Variants in LYZL4 observed in about 807,000 individuals in gnomAD.
LYZL4 encodes lysozyme-like protein 4.
LYZL4 carries 13 observed loss-of-function variants against 17.6 expected under a neutral mutation model. The ratio of observed to expected loss-of-function variants is 0.74; its 90% CI spans 0.48 to 1.18. The LOEUF (loss-of-function observed/expected upper bound fraction) is 1.18. Ranked by LOEUF, LYZL4 falls within the 50% of genes most tolerant of loss-of-function variation. LYZL4 has a pLI of 0.00. For missense variants in LYZL4, 174 were observed against 188.2 expected (o/e 0.92, Z 0.44); for synonymous variants, 64 against 67.7 (o/e 0.95, Z 0.27).
the LYZL4 span, among the ~76,000 whole-genome samples, chr3:42,375,458 C>T: frequency 6.6e-6 from 1 of 152,316 alleles, no homozygotes; most frequent in African/African-American, 2.4e-5. Context: ...GAGCGAGCCA[C>T]CAAATTATCT....
rs377406407 is a variant in LYZL4 at position 42,406,883 on chromosome 3, G to A, written c.255C>T (p.Gly85=). ...TATGGCAGCGGTTCCTGCCATGGTC[G>A]CCACACCAGTCACTGCCACGCATCT... ...LFQMRGSDWC[G]DHGRNRCHMS... The change falls in exon 3 of 5, where the codon GGC becomes GGT. Residue 85 remains glycine (G), a synonymous_variant. Coordinates refer to ENST00000287748, the MANE Select transcript of LYZL4 (RefSeq NM_144634.4). The A allele has an allele frequency of 2.7e-5, 43 of 1,614,206 alleles. No individual in the cohort carries two copies. Among genetic ancestry groups the A allele is most frequent in the Middle Eastern group, 1.6e-4 (1 of 6,062 alleles).
At chr3:42,379,631 T>G in the LYZL4 span, among the ~76,000 whole-genome samples, 1 of 152,154 alleles carries the variant, frequency 6.6e-6, no homozygotes, top group Admixed American at 6.5e-5. Context: ...GGGAGTTATG[T>G]CTCTCCTCTC....
chr3:42,384,573 A>G, the LYZL4 span, among the ~76,000 whole-genome samples: 2 of 152,200 alleles, frequency 1.3e-5, no homozygotes, highest in African/African-American at 2.4e-5. Context: ...AACTGCAGAA[A>G]CTTTTGGGGT....
the LYZL4 span, among the ~76,000 whole-genome samples, chr3:42,362,458 A>T: frequency 6.6e-6 from 1 of 152,212 alleles, no homozygotes; most frequent in Non-Finnish European, 1.5e-5. Flanking sequence ...TAAACAACAG[A>T]AATGTATTAT....
chr3:42,405,663 C>G (rs565089180), intron 3 of LYZL4, among the ~76,000 whole-genome samples: 8 of 152,208 alleles, frequency 5.3e-5, no homozygotes, highest in Admixed American at 3.3e-4. Context: ...TGCTGGGGTG[C>G]TTAGGCAGGA....
the LYZL4 span, among the ~76,000 whole-genome samples, chr3:42,363,871 G>A: frequency 1.3e-5 from 2 of 152,200 alleles, no homozygotes; most frequent in Non-Finnish European, 2.9e-5. Flanking sequence ...ATCATCTCTA[G>A]TGAAGGACTC....
the LYZL4 span, among the ~76,000 whole-genome samples, chr3:42,377,625 C>CTCTGTGTGTG: frequency 1.9e-4 from 28 of 143,788 alleles, no homozygotes; most frequent in Admixed American, 4.1e-4. Context: ...GCATGACTCT[C>CTCTGTGTGTG]TGTGTGTGTG....
At chr3:42,364,317 A>T in the LYZL4 span, among the ~76,000 whole-genome samples, 1 of 136,748 alleles carries the variant, frequency 7.3e-6, no homozygotes, top group Non-Finnish European at 1.6e-5. Flanking sequence ...TTTCAGTGTC[A>T]CCTTTTCTTT....
intron 4 of LYZL4, among the ~76,000 whole-genome samples, chr3:42,397,854 G>A (rs1003284488): frequency 9.9e-5 from 15 of 152,162 alleles, no homozygotes; most frequent in Admixed American, 2.0e-4. Context: ...CAGCTGCACT[G>A]AGTTTCTCTA....
the LYZL4 span, among the ~76,000 whole-genome samples, chr3:42,378,940 G>A: frequency 1.3e-5 from 2 of 152,284 alleles, no homozygotes; most frequent in Non-Finnish European, 2.9e-5. Flanking sequence ...CACCTAGCAA[G>A]TTGCAAAGCA....
At chr3:42,382,146 A>G in the LYZL4 span, among the ~76,000 whole-genome samples, 2 of 152,250 alleles carry the variant, frequency 1.3e-5, no homozygotes, top group Admixed American at 1.3e-4. Context: ...GTATATACAA[A>G]GTCTTTCACT....
At chr3:42,384,153 A>G in the LYZL4 span, among the ~76,000 whole-genome samples, 1 of 152,226 alleles carries the variant, frequency 6.6e-6, no homozygotes, top group Non-Finnish European at 1.5e-5. Context: ...AATCAAGAGC[A>G]ATGTAATCAA....
At chr3:42,382,707 G>T in the LYZL4 span, among the ~76,000 whole-genome samples, 4 of 151,784 alleles carry the variant, frequency 2.6e-5, no homozygotes, top group South Asian at 8.3e-4. Context: ...GAACCCCAAG[G>T]TCCCTACTCT....
At chr3:42,398,548 G>C (rs1386741804) in intron 4 of LYZL4, among the ~76,000 whole-genome samples, 1 of 152,038 alleles carries the variant, frequency 6.6e-6, no homozygotes, top group Non-Finnish European at 1.5e-5. Context: ...GATGAAAATG[G>C]GTTACTGAAT....
chr3:42,408,382 G>A (rs958098332), intron 1 of LYZL4, among the ~76,000 whole-genome samples: 2 of 152,110 alleles, frequency 1.3e-5, no homozygotes, highest in Non-Finnish European at 2.9e-5. Flanking sequence ...ATTCTCCAGG[G>A]AGCTGTGCCC....
the LYZL4 span, among the ~76,000 whole-genome samples, chr3:42,384,025 G>A: frequency 2.0e-5 from 3 of 152,126 alleles, no homozygotes; most frequent in Non-Finnish European, 4.4e-5. Context: ...TATATTGGAG[G>A]AAATAGACCC....
chr3:42,404,185 G>A (rs1698708440), intron 3 of LYZL4, 61 bp from the exon 4 acceptor site: 2 of 1,093,514 alleles, frequency 1.8e-6, no homozygotes, highest in Non-Finnish European at 2.8e-6. Context: ...TTAGAGTGAT[G>A]TCAGGGAAGG....
chr3:42,389,376 T>C, the LYZL4 span, among the ~76,000 whole-genome samples: 1 of 152,190 alleles, frequency 6.6e-6, no homozygotes, highest in East Asian at 1.9e-4. Context: ...AGCAGTTTCC[T>C]ACACATTTCA....
chr3:42,401,507 G>A (rs187808069), intron 4 of LYZL4, among the ~76,000 whole-genome samples: 72 of 152,106 alleles, frequency 4.7e-4, no homozygotes, highest in African/African-American at 1.4e-3. Context: ...ATGAGCCACC[G>A]CTCCCAGCAC....
Sources: gnomAD v4.1 joint callset for allele counts (sites outside exome capture counted in the v4.1 genomes callset) on GRCh38, gnomAD v4.1.1 for gene constraint, MANE v1.5 for transcripts, NCBI Gene and HGNC (gene_info 2026-07-23, HGNC 2026-07-21) for gene names.